NKAIN2: variants seen among roughly 807,000 people sequenced by gnomAD.
The protein encoded by NKAIN2 is sodium/potassium-transporting ATPase subunit beta-1-interacting protein 2.
Under a neutral mutation model 32.6 loss-of-function variants are expected in NKAIN2, and 14 were observed. The ratio of observed to expected loss-of-function variants is 0.43; its 90% CI spans 0.28 to 0.67. The LOEUF (loss-of-function observed/expected upper bound fraction) is 0.67, where lower values mean the gene tolerates loss of function less well. Among genes scored for constraint, NKAIN2 ranks in the 30% least tolerant of loss-of-function variants. The pLI is 0.17. For missense variants in NKAIN2, 198 were observed against 258.3 expected (o/e 0.77, Z 1.60); for synonymous variants, 80 against 87.2 (o/e 0.92, Z 0.46).
At chr6:124,735,511 A>C (rs1776892294) in intron 4 of NKAIN2, among the ~76,000 whole-genome samples, 1 of 151,946 alleles carries the variant, frequency 6.6e-6, no homozygotes, top group Non-Finnish European at 1.5e-5. Context: ...AAACAAATAT[A>C]GACATATCTT....
At chr6:124,301,326 A>G (rs562656046) in intron 2 of NKAIN2, among the ~76,000 whole-genome samples, 2 of 152,316 alleles carry the variant, frequency 1.3e-5, no homozygotes, top group South Asian at 2.1e-4. Flanking sequence ...ATGTATGGAA[A>G]TGCCTGGATG....
chr6:124,119,554 A>G lies in NKAIN2; in HGVS notation c.55-163451A>G, dbSNP rs898419512. 4.9e-4 allele frequency among the ~76,000 whole-genome samples: 75 copies of G among 152,216 alleles called. 1 individual carries two copies. The highest frequency in any genetic ancestry group is 1.8e-3 in the African/African-American group (74 of 41,454). Reference sequence around the variant, plus strand: ...CCCTAAAGAACATGCCAGAACTCCCAAACTCTTGCATATGGGACTGTATCT... The same window carrying G: ...CCCTAAAGAACATGCCAGAACTCCCGAACTCTTGCATATGGGACTGTATCT... On this transcript the variant is annotated intron_variant, in intron 1 of 6. Transcript: ENST00000368417.
chr6:124,480,189 TA>T (rs751570454), intron 3 of NKAIN2, among the ~76,000 whole-genome samples: 189 of 152,324 alleles, frequency 1.2e-3, no homozygotes, highest in Admixed American at 3.6e-3. Flanking sequence ...AATTCTTTTT[TA>T]TTTTTTTATT....
At chr6:124,801,620 G>C (rs1477639736) in intron 5 of NKAIN2, among the ~76,000 whole-genome samples, 1 of 152,170 alleles carries the variant, frequency 6.6e-6, no homozygotes, top group Non-Finnish European at 1.5e-5. Context: ...GAACCAAACA[G>C]GTACCATCTT....
intron 4 of NKAIN2, among the ~76,000 whole-genome samples, chr6:124,671,016 C>G (rs1583618243): frequency 6.6e-6 from 1 of 152,002 alleles, no homozygotes; most frequent in Admixed American, 6.6e-5. Context: ...CTGCAGACTG[C>G]TATATTGCAA....
At chr6:124,677,258 C>T (rs926110189) in intron 4 of NKAIN2, among the ~76,000 whole-genome samples, 9 of 152,150 alleles carry the variant, frequency 5.9e-5, no homozygotes, top group African/African-American at 1.9e-4. Flanking sequence ...CGTGAGCCAC[C>T]GGGTCTGGCC....
rs139304662 is a variant in NKAIN2, at chr6:124,425,210, C to T, written c.273+69863C>T. 4.5e-3 allele frequency among the ~76,000 whole-genome samples: 677 copies of T among 152,116 alleles called. 4 individuals are homozygous for T. The highest frequency in any genetic ancestry group is 0.015 in the African/African-American group (624 of 41,504). On this transcript the variant is annotated intron_variant, in intron 3 of 6. Coordinates refer to ENST00000368417, the MANE Select transcript of NKAIN2 (RefSeq NM_001040214.3). ...CCACAGACAGCCTAGGTTACATGAA[C>T]ATTGAAGAAAAAGATAAGTCTTTCA...
In NKAIN2 at chr6:124,772,275, T is replaced by A. The variant is rs115710663; in HGVS notation, c.475-19064T>A. ...GGGCTTTGTAGGGTGGAAGTATAGG[T>A]GTAAACATTGTCAATGATAACCTCT... On this transcript the variant is annotated intron_variant, in intron 4 of 6. Transcript: ENST00000368417. Among the ~76,000 whole-genome samples the A allele has an allele frequency of 7.6e-3, 1,158 of 152,248 alleles. 16 individuals carry two copies. The highest frequency in any genetic ancestry group is 0.027 in the African/African-American group (1,110 of 41,548).
intron 3 of NKAIN2, among the ~76,000 whole-genome samples, chr6:124,499,250 G>C (rs1283301098): frequency 6.6e-6 from 1 of 152,028 alleles, no homozygotes; most frequent in Admixed American, 6.6e-5. Context: ...TATGTTTACA[G>C]TTAGACATAT....
At chr6:123,878,958 C>G (rs1487912074) in intron 1 of NKAIN2, among the ~76,000 whole-genome samples, 1 of 152,156 alleles carries the variant, frequency 6.6e-6, no homozygotes, top group East Asian at 1.9e-4. Flanking sequence ...GTACTTTTTC[C>G]TACATTCTGC....
intron 1 of NKAIN2, among the ~76,000 whole-genome samples, chr6:124,150,793 C>G (rs1042360895): frequency 6.6e-6 from 1 of 152,228 alleles, no homozygotes; most frequent in Non-Finnish European, 1.5e-5. Context: ...CAAGAACTTA[C>G]AAACTTAGAA....
At chr6:123,925,889 A>G (rs999414384) in intron 1 of NKAIN2, among the ~76,000 whole-genome samples, 4 of 152,220 alleles carry the variant, frequency 2.6e-5, no homozygotes, top group Non-Finnish European at 5.9e-5. Flanking sequence ...TAGATAGCTT[A>G]TATAAACAAC....
At chr6:124,050,715 C>T (rs1330249821) in intron 1 of NKAIN2, among the ~76,000 whole-genome samples, 1 of 151,976 alleles carries the variant, frequency 6.6e-6, no homozygotes, top group Non-Finnish European at 1.5e-5. Flanking sequence ...ACCTTTATTC[C>T]TTAGTTTAGG....
Position 124,342,814 on chromosome 6 carries a change from TTTATTATTATTATTA to T in NKAIN2, c.193-12433_193-12419del, listed in dbSNP as rs56290836. Among the ~76,000 whole-genome samples the T allele has an allele frequency of 6.3e-4, 92 of 145,494 alleles. 1 individual carries two copies. Among genetic ancestry groups the T allele is most frequent in the Admixed American group, 1.7e-3 (25 of 14,548 alleles). On this transcript the variant is annotated intron_variant, in intron 2 of 6. Coordinates refer to ENST00000368417, the MANE Select transcript of NKAIN2 (RefSeq NM_001040214.3). ...GCCACCACACCTGCCCAGAAGATGT[TTTATTATTATTATTA>T]TTATTATTATTATTATTATACTTTA...
At chr6:124,188,541 C>T (rs985960069) in intron 1 of NKAIN2, among the ~76,000 whole-genome samples, 3 of 152,122 alleles carry the variant, frequency 2.0e-5, no homozygotes, top group African/African-American at 7.2e-5. Flanking sequence ...AATAACTGGC[C>T]TAGGCAAGTT....
chr6:124,079,408 G>C (rs1783846848), intron 1 of NKAIN2, among the ~76,000 whole-genome samples: 1 of 152,074 alleles, frequency 6.6e-6, no homozygotes, highest in African/African-American at 2.4e-5. Context: ...ATTCAGTGTG[G>C]GGTTGAAATC....
intron 3 of NKAIN2, among the ~76,000 whole-genome samples, chr6:124,562,961 A>G (rs1188884392): frequency 6.6e-6 from 1 of 150,480 alleles, no homozygotes; most frequent in East Asian, 1.9e-4. Context: ...CTGGACTGCA[A>G]TGGCGCGATC....
intron 3 of NKAIN2, among the ~76,000 whole-genome samples, chr6:124,521,365 G>A (rs565120984): frequency 6.6e-6 from 1 of 152,040 alleles, no homozygotes; most frequent in Non-Finnish European, 1.5e-5. Context: ...TGTGAATTTT[G>A]TCAAATGCTT....
intron 1 of NKAIN2, among the ~76,000 whole-genome samples, chr6:123,943,680 A>T (rs1040591839): frequency 3.3e-5 from 5 of 152,212 alleles, no homozygotes; most frequent in African/African-American, 1.2e-4. Flanking sequence ...TTTTCTATGA[A>T]AAGTCACCTT....
Sources: gnomAD v4.1 joint callset for allele counts (sites outside exome capture counted in the v4.1 genomes callset) on GRCh38, gnomAD v4.1.1 for gene constraint, MANE v1.5 for transcripts, NCBI Gene and HGNC (gene_info 2026-07-23, HGNC 2026-07-21) for gene names.